The following WDFY2 variants were observed in gnomAD, a reference collection of about 807,000 sequenced individuals.
The protein encoded by WDFY2 is WD repeat and FYVE domain containing 2.
Under a neutral mutation model 56.4 loss-of-function variants are expected in WDFY2, and 36 were observed. The ratio of observed to expected loss-of-function variants is 0.64; its 90% CI spans 0.49 to 0.84. The LOEUF is 0.84. WDFY2 is among the 40% of genes least tolerant of loss of function. The pLI is 0.00. For missense variants in WDFY2, 444 were observed against 512.2 expected, an observed-to-expected ratio of 0.87 and a Z score of 1.29; for synonymous variants, 176 against 183.7, an observed-to-expected ratio of 0.96 and a Z score of 0.34.
chr13:51,759,872 G>C lies in WDFY2; in HGVS notation c.*103G>C. ...AAGCAGACATGTGAGAAGTAAGAAA[G>C]AAACTAAAGACCCTGAATGAATTTG... On this transcript the variant is annotated 3_prime_UTR_variant, in exon 12 of 12. Coordinates refer to ENST00000298125, the MANE Select transcript of WDFY2 (RefSeq NM_052950.4). 7.7e-7 allele frequency: 1 copy of C among 1,298,400 alleles called. No individual in the cohort carries two copies. Among genetic ancestry groups the C allele is most frequent in the Non-Finnish European group, 1.1e-6 (1 of 913,904 alleles). 80.4% of individuals were successfully genotyped at this position (1,298,400 alleles called of 1,614,324 possible).
chr13:51,719,382 A>T, intron 5 of WDFY2, 34 bp downstream of exon 5: 2 of 1,529,988 alleles, frequency 1.3e-6, no homozygotes, highest in Non-Finnish European at 1.8e-6. Flanking sequence ...TCTTAGTGGG[A>T]ACTTAACTGT....
intron 1 of WDFY2, chr13:51,589,066 A>G (rs17531181): frequency 0.1 from 15,289 of 152,188 alleles, 1,061 homozygotes; most frequent in Admixed American, 0.2. Flanking sequence ...AGCACAAGCA[A>G]TTGTTAAGAG....
At chr13:51,742,482 A>G (rs1309604571) in intron 7 of WDFY2, among the ~76,000 whole-genome samples, 1 of 152,062 alleles carries the variant, frequency 6.6e-6, no homozygotes, top group African/African-American at 2.4e-5. Flanking sequence ...TATATTTGCA[A>G]GCATCAGTTA....
chr13:51,645,622 CTTA>C (rs1282780520), intron 1 of WDFY2, among the ~76,000 whole-genome samples: 1 of 152,026 alleles, frequency 6.6e-6, no homozygotes, highest in Non-Finnish European at 1.5e-5. Context: ...CTTAGGTGTG[CTTA>C]TGATGACCTT....
chr13:51,734,035 T>G (rs1425032950), intron 6 of WDFY2, among the ~76,000 whole-genome samples: 2 of 152,152 alleles, frequency 1.3e-5, no homozygotes, highest in Non-Finnish European at 2.9e-5. Context: ...GGTCAGATAT[T>G]TTATTCAACA....
At chr13:51,653,496 A>G (rs1329133698) in intron 1 of WDFY2, among the ~76,000 whole-genome samples, 2 of 152,180 alleles carry the variant, frequency 1.3e-5, no homozygotes, top group Non-Finnish European at 2.9e-5. Flanking sequence ...TAGAATTTTC[A>G]GTATTTCTGC....
intron 6 of WDFY2, among the ~76,000 whole-genome samples, chr13:51,732,426 C>A (rs527264302): frequency 2.6e-5 from 4 of 152,304 alleles, no homozygotes; most frequent in African/African-American, 9.6e-5. Flanking sequence ...GGCCAAAAAT[C>A]ATATTTTGAC....
chr13:51,586,207 C>G, intron 1 of WDFY2: 1 of 396,022 alleles, frequency 2.5e-6, no homozygotes, highest in Non-Finnish European at 4.4e-6. Context: ...GCTTCTGGAC[C>G]TAGAAATTCT....
At chr13:51,749,647 C>A (rs1271130546) in intron 7 of WDFY2, among the ~76,000 whole-genome samples, 1 of 152,054 alleles carries the variant, frequency 6.6e-6, no homozygotes, top group Non-Finnish European at 1.5e-5. Flanking sequence ...TGTATTGACA[C>A]AACTCAAAGG....
intron 6 of WDFY2, among the ~76,000 whole-genome samples, chr13:51,738,115 A>T (rs918688639): frequency 1.3e-5 from 2 of 152,250 alleles, no homozygotes; most frequent in Non-Finnish European, 2.9e-5. Context: ...GAAAAATGTC[A>T]GATTCCAACA....
chr13:51,659,108 G>T (rs4941710), intron 1 of WDFY2, among the ~76,000 whole-genome samples: 13,856 of 151,918 alleles, frequency 0.091, 941 homozygotes, highest in East Asian at 0.29. Flanking sequence ...TGTATTTTTA[G>T]TAGAGACGGG....
intron 2 of WDFY2, among the ~76,000 whole-genome samples, chr13:51,662,041 G>A (rs1955624397): frequency 6.6e-6 from 1 of 151,958 alleles, no homozygotes; most frequent in Non-Finnish European, 1.5e-5. Flanking sequence ...TGCAATCTTG[G>A]CTCACTGCAA....
At chr13:51,755,956 T>C (rs928355950) in intron 9 of WDFY2, among the ~76,000 whole-genome samples, 6 of 152,124 alleles carry the variant, frequency 3.9e-5, no homozygotes, top group Admixed American at 6.5e-5. Context: ...CAATCAGGTT[T>C]CCTGCATGTT....
chr13:51,700,506 C>T (rs939690818), intron 3 of WDFY2, among the ~76,000 whole-genome samples: 12 of 152,086 alleles, frequency 7.9e-5, no homozygotes, highest in Non-Finnish European at 1.8e-4. Flanking sequence ...CTCAATTTGG[C>T]CATGTCTATC....
intron 1 of WDFY2, among the ~76,000 whole-genome samples, chr13:51,595,349 A>T (rs1239437348): frequency 6.6e-6 from 1 of 152,222 alleles, no homozygotes; most frequent in Non-Finnish European, 1.5e-5. Flanking sequence ...CCACCGTTGG[A>T]CAGATTTTGA....
intron 6 of WDFY2, among the ~76,000 whole-genome samples, chr13:51,731,105 T>C (rs547621076): frequency 6.6e-6 from 1 of 152,294 alleles, no homozygotes; most frequent in Admixed American, 6.5e-5. Context: ...AAGGAATGGA[T>C]GGATTCAAGG....
At chr13:51,630,482 G>C (rs187812452) in intron 1 of WDFY2, among the ~76,000 whole-genome samples, 1 of 126,794 alleles carries the variant, frequency 7.9e-6, no homozygotes, top group African/African-American at 3.0e-5. Flanking sequence ...TTTTTTTTAT[G>C]TTTGGGTCAC....
chr13:51,745,385 CACAT>C (rs1399969326), intron 7 of WDFY2, among the ~76,000 whole-genome samples: 1 of 152,136 alleles, frequency 6.6e-6, no homozygotes. Flanking sequence ...AAAGAGTAGA[CACAT>C]ACATAGGCAA....
At chr13:51,643,092 CAT>C (rs1955202510) in intron 1 of WDFY2, among the ~76,000 whole-genome samples, 2 of 152,024 alleles carry the variant, frequency 1.3e-5, no homozygotes, top group Admixed American at 6.6e-5. Context: ...ATATATATAA[CAT>C]AAAGTGTATC....
Sources: gnomAD v4.1 joint callset for allele counts (sites outside exome capture counted in the v4.1 genomes callset) on GRCh38, gnomAD v4.1.1 for gene constraint, MANE v1.5 for transcripts, NCBI Gene and HGNC (gene_info 2026-07-23, HGNC 2026-07-21) for gene names.